The following RFPL4AL1 variants were observed in gnomAD, a reference collection of about 807,000 sequenced individuals.
RFPL4AL1 encodes the protein ret finger protein-like 4A-like protein 1.
A neutral mutation model predicts 8.2 loss-of-function variants in RFPL4AL1; 2 were observed. The observed-to-expected ratio is 0.24, with a 90% confidence interval of 0.10 to 0.77. The LOEUF (loss-of-function observed/expected upper bound fraction) is 0.77, where lower values mean the gene tolerates loss of function less well. Among genes scored for constraint, RFPL4AL1 ranks in the 30% least tolerant of loss-of-function variants. The pLI is 0.72. For missense variants in RFPL4AL1, 57 were observed against 350.3 expected (o/e 0.16, Z 6.68); for synonymous variants, 25 against 131.8 (o/e 0.19, Z 5.55).
chr19:55,771,446 T>C (rs3973371), intron 1 of RFPL4AL1, among the ~76,000 whole-genome samples: 61,435 of 141,234 alleles, frequency 0.43, 9,184 homozygotes, highest in Middle Eastern at 0.51. Flanking sequence ...GGAGTGTATT[T>C]GGCTCACAGC....
intron 1 of RFPL4AL1, among the ~76,000 whole-genome samples, chr19:55,770,461 C>G (rs555133875): frequency 1.3e-5 from 2 of 151,880 alleles, no homozygotes; most frequent in Non-Finnish European, 2.9e-5. Flanking sequence ...AAGCTGGTGG[C>G]GTTCAAAGGA....
intron 1 of RFPL4AL1, among the ~76,000 whole-genome samples, chr19:55,771,105 T>TTTTTC (rs1989488571): frequency 7.4e-6 from 1 of 134,954 alleles, no homozygotes; most frequent in Non-Finnish European, 1.6e-5. Flanking sequence ...TTTTTTTTTT[T>TTTTTC]CCGCTATGCA....
chr19:55,769,364 A>G lies in RFPL4AL1; in HGVS notation c.-10+189A>G, dbSNP rs898949454. On this transcript the variant is annotated intron_variant, in intron 1 of 2. Transcript: ENST00000341750. ...ACTCTTAGATTTTCAATACCAAGGC[A>G]AGAGACTTGACAATCTCCATTTGCT... 4.9e-4 allele frequency among the ~76,000 whole-genome samples: 74 copies of G among 151,994 alleles called. 3 individuals carry two copies. The highest frequency in any genetic ancestry group is 3.4e-3 in the Middle Eastern group (1 of 294).
intron 2 of RFPL4AL1, among the ~76,000 whole-genome samples, 155 bp downstream of exon 2, chr19:55,772,245 T>C (rs1405815078): frequency 7.5e-6 from 1 of 133,326 alleles, no homozygotes; most frequent in African/African-American, 2.6e-5. Flanking sequence ...TGCGTAGAGA[T>C]TTTCATGGAA....
chr19:55,771,634 A>T (rs746570303), intron 1 of RFPL4AL1, among the ~76,000 whole-genome samples, 162 bp from the exon 2 acceptor site: 5 of 136,318 alleles, frequency 3.7e-5, no homozygotes, highest in Admixed American at 1.6e-4. Flanking sequence ...GCCTCGAGTC[A>T]TTGACATTTG....
intron 1 of RFPL4AL1, among the ~76,000 whole-genome samples, chr19:55,770,536 G>C (rs1989472387): frequency 6.6e-6 from 1 of 151,862 alleles, no homozygotes; most frequent in Non-Finnish European, 1.5e-5. Context: ...AGGTTTTGTA[G>C]GAAAAAAGCA....
intron 1 of RFPL4AL1, among the ~76,000 whole-genome samples, chr19:55,771,086 G>GTTTTTTTT (rs74183507): frequency 1.2e-4 from 16 of 130,316 alleles, no homozygotes; most frequent in Admixed American, 1.5e-4. Context: ...TCTGTTTTTT[G>GTTTTTTTT]TTTTTTTTTT....
rs570268562 is a variant in RFPL4AL1 at position 55,772,416 on chromosome 19, C to T, written c.287-186C>T. On this transcript the variant is annotated intron_variant, in intron 2 of 2. Coordinates refer to ENST00000341750, the MANE Select transcript of RFPL4AL1 (RefSeq NM_001277397.2). ...GTGGACTTGTTACAATGATCATATT[C>T]ATGCAACCTATAGATACAATTTAAC... Among the ~76,000 whole-genome samples the T allele has an allele frequency of 1.1e-3, 148 of 129,054 alleles. No homozygotes were observed. The Middle Eastern group carries it at 0.017, about 15-fold the overall frequency. 84.7% of individuals were successfully genotyped at this position (129,054 alleles called of 152,430 possible).
chr19:55,771,629 G>C (rs1384075678), intron 1 of RFPL4AL1, among the ~76,000 whole-genome samples, 167 bp from the exon 2 acceptor site: 4 of 137,198 alleles, frequency 2.9e-5, no homozygotes, highest in Non-Finnish European at 6.6e-5. Flanking sequence ...TCAGGGCCTC[G>C]AGTCATTGAC....
chr19:55,769,855 G>C (rs1374665025), intron 1 of RFPL4AL1, among the ~76,000 whole-genome samples: 1 of 151,684 alleles, frequency 6.6e-6, no homozygotes, highest in Non-Finnish European at 1.5e-5. Context: ...TCATGCCCTC[G>C]GCCTTCATCC....
chr19:55,772,286 G>A (rs1325708500), intron 2 of RFPL4AL1, among the ~76,000 whole-genome samples, 196 bp downstream of exon 2: 1 of 131,472 alleles, frequency 7.6e-6, no homozygotes, highest in Admixed American at 8.2e-5. Flanking sequence ...ACTTTGGAGA[G>A]CAAGCTACTG....
At chr19:55,769,290 CTG>C (rs1424992443) in intron 1 of RFPL4AL1, 115 bp downstream of exon 1, 8 of 151,970 alleles carry the variant, frequency 5.3e-5, no homozygotes, top group African/African-American at 1.7e-4. Context: ...GACAGACACA[CTG>C]TATTTCTGGA....
intron 1 of RFPL4AL1, among the ~76,000 whole-genome samples, chr19:55,771,079 G>GTTTTTTTTTTTTTTT (rs1243816491): frequency 4.5e-5 from 4 of 89,548 alleles, no homozygotes; most frequent in Non-Finnish European, 5.0e-5. Context: ...TTTTAGTTCT[G>GTTTTTTTTTTTTTTT]TTTTTTGTTT....
chr19:55,769,662 C>T (rs1345996210), intron 1 of RFPL4AL1, among the ~76,000 whole-genome samples: 1 of 151,770 alleles, frequency 6.6e-6, no homozygotes, highest in African/African-American at 2.4e-5. Context: ...GATGCTGGGA[C>T]CCACCTCTTC....
intron 1 of RFPL4AL1, among the ~76,000 whole-genome samples, chr19:55,770,441 G>A (rs768257062): frequency 1.6e-4 from 24 of 152,032 alleles, no homozygotes; most frequent in African/African-American, 2.4e-4. Flanking sequence ...AAGTGTGGGC[G>A]TGATTCTGAA....
chr19:55,770,561 T>C (rs2122664020), intron 1 of RFPL4AL1, among the ~76,000 whole-genome samples: 1 of 152,010 alleles, frequency 6.6e-6, no homozygotes, highest in African/African-American at 2.4e-5. Flanking sequence ...TTTTTTAGAA[T>C]TGGTGAGGTA....
At chr19:55,771,582 G>A (rs1398143558) in intron 1 of RFPL4AL1, among the ~76,000 whole-genome samples, 1 of 146,968 alleles carries the variant, frequency 6.8e-6, no homozygotes, top group African/African-American at 2.4e-5. Flanking sequence ...GGTGAATCAT[G>A]CCCTTTATTC....
At chr19:55,771,714 TA>T in intron 1 of RFPL4AL1, 81 bp from the exon 2 acceptor site, 1 of 1,508,634 alleles carries the variant, frequency 6.6e-7, no homozygotes. Context: ...TCCATGCATG[TA>T]AAGATAAAAG....
At chr19:55,772,190 C>T (rs1256548673) in intron 2 of RFPL4AL1, 100 bp downstream of exon 2, 14 of 1,142,346 alleles carry the variant, frequency 1.2e-5, no homozygotes, top group East Asian at 2.7e-5. Flanking sequence ...GGATATCTAG[C>T]ATCTAAAACT....
Sources: allele counts gnomAD v4.1 joint callset (sites outside exome capture counted in the v4.1 genomes callset), GRCh38; gene constraint gnomAD v4.1.1; transcripts MANE v1.5; gene names NCBI Gene and HGNC (gene_info 2026-07-23, HGNC 2026-07-21).